SEMA6D: variants seen among roughly 807,000 people sequenced by gnomAD.
The protein encoded by SEMA6D is semaphorin 6D, also known as semaphorin-6D.
Under a neutral mutation model 106.6 loss-of-function variants are expected in SEMA6D, and 35 were observed. The observed-to-expected ratio is 0.33, with a 90% CI of 0.25 to 0.44. The LOEUF (loss-of-function observed/expected upper bound fraction) is 0.44. Ranked by LOEUF, SEMA6D falls within the 20% of genes least tolerant of loss-of-function variation. The pLI, the probability that SEMA6D is intolerant of heterozygous loss-of-function variation, is 1.00. For missense variants in SEMA6D, 1,185 were observed against 1,345.9 expected, an observed-to-expected ratio of 0.88 and a Z score of 1.87; for synonymous variants, 499 against 487.7, an observed-to-expected ratio of 1.02 and a Z score of -0.31.
intron 4 of SEMA6D, among the ~76,000 whole-genome samples, chr15:47,682,800 G>T (rs917781896): frequency 6.6e-6 from 1 of 152,116 alleles, no homozygotes; most frequent in Non-Finnish European, 1.5e-5. Context: ...GAGTTCATTT[G>T]CCCGCAGTAC....
chr15:47,771,581 G>T lies in SEMA6D; in HGVS notation c.3018G>T (p.Gly1006=), dbSNP rs376905773. The change falls in exon 19 of 19, where the codon GGG becomes GGT. Residue 1006 remains glycine, a synonymous_variant. Coordinates refer to ENST00000536845, the MANE Select transcript of SEMA6D (RefSeq NM_001358351.3). ...NRGGYMPTPT[G]AKVDYIQGTP... ...GAGGATATATGCCCACCCCCACTGG[G>T]GCGAAGGTGGACTATATTCAGGGAA... 1 of 1,613,978 alleles carries T rather than the reference G, an allele frequency of 6.2e-7. No homozygotes were observed. Among genetic ancestry groups the T allele is most frequent in the Non-Finnish European group, 8.5e-7 (1 of 1,179,986 alleles).
At chr15:47,570,286 T>A (rs2046347735) in intron 3 of SEMA6D, among the ~76,000 whole-genome samples, 1 of 152,130 alleles carries the variant, frequency 6.6e-6, no homozygotes, top group African/African-American at 2.4e-5. Context: ...TAAAGGCTGG[T>A]TCCAGGCTGG....
chr15:47,222,418 A>G (rs898184359), intron 1 of SEMA6D, among the ~76,000 whole-genome samples: 10 of 152,132 alleles, frequency 6.6e-5, no homozygotes, highest in African/African-American at 2.2e-4. Flanking sequence ...TCTTAGGTTC[A>G]CTACTCTTGC....
chr15:47,417,896 G>A (rs181807639), intron 2 of SEMA6D, among the ~76,000 whole-genome samples: 159 of 151,292 alleles, frequency 1.1e-3, no homozygotes, highest in Non-Finnish European at 1.8e-3. Flanking sequence ...ACAGTGTTTT[G>A]TGTATTGGGG....
At position 47,770,992 on chromosome 15, in the gene SEMA6D, C is replaced by T. The variant is rs1221060224; in HGVS notation, c.2429C>T (p.Pro810Leu). Residue 810 changes from proline to leucine, a missense_variant, in exon 19 of 19, where the codon CCG becomes CTG. By Grantham distance (98) the Pro-to-Leu change is moderately conservative (BLOSUM62 -3). This residue lies in a region of SEMA6D where 750 missense variants were observed against 783.5 expected (regional missense o/e 0.96). Transcript: ENST00000536845. ...AGGAAAGAAACCCCTCAGTTTTTTC[C>T]GTCTAGTCCGCCACCTCATTCCCCA... ...ASRKETPQFF[P>L]SSPPPHSPLS... The T allele has an allele frequency of 6.2e-6, 10 of 1,614,050 alleles. No homozygotes were observed. The highest frequency in any genetic ancestry group is 1.3e-5 in the African/African-American group (1 of 75,034).
chr15:47,364,713 A>G (rs764165002), intron 1 of SEMA6D, among the ~76,000 whole-genome samples: 17 of 151,710 alleles, frequency 1.1e-4, no homozygotes, highest in Non-Finnish European at 1.9e-4. Context: ...TTCTCATCTT[A>G]AGCCTCACAC....
At chr15:47,242,146 A>G (rs1478879159) in intron 1 of SEMA6D, among the ~76,000 whole-genome samples, 2 of 152,190 alleles carry the variant, frequency 1.3e-5, no homozygotes, top group Non-Finnish European at 2.9e-5. Flanking sequence ...CAGATAATCT[A>G]TATAATGCCC....
intron 1 of SEMA6D, among the ~76,000 whole-genome samples, chr15:47,358,257 C>T (rs1405592865): frequency 6.6e-6 from 1 of 152,192 alleles, no homozygotes; most frequent in Non-Finnish European, 1.5e-5. Flanking sequence ...TGCTTTCCTG[C>T]AGGGAATGAT....
chr15:47,414,640 A>T (rs888399405), intron 2 of SEMA6D, among the ~76,000 whole-genome samples: 1 of 152,192 alleles, frequency 6.6e-6, no homozygotes, highest in African/African-American at 2.4e-5. Context: ...TGCTAAATTG[A>T]CTTGCATCAT....
intron 1 of SEMA6D, among the ~76,000 whole-genome samples, chr15:47,726,653 G>A (rs1303580813): frequency 6.6e-6 from 1 of 152,184 alleles, no homozygotes; most frequent in East Asian, 1.9e-4. Flanking sequence ...TATAAAAGGT[G>A]GATGATGGTG....
At chr15:47,225,492 T>A (rs2141435892) in intron 1 of SEMA6D, among the ~76,000 whole-genome samples, 1 of 150,544 alleles carries the variant, frequency 6.6e-6, no homozygotes, top group East Asian at 2.0e-4. Context: ...GCCCGTTTTT[T>A]AATCGGGTGT....
At chr15:47,437,011 GAAAA>G (rs2041736320) in intron 2 of SEMA6D, among the ~76,000 whole-genome samples, 1 of 98,206 alleles carries the variant, frequency 1.0e-5, no homozygotes, top group Admixed American at 1.6e-4. Flanking sequence ...GGGAGGGAAA[GAAAA>G]GAAAGAAAGA....
chr15:47,325,590 A>G lies in SEMA6D; in HGVS notation c.-238-86803A>G, dbSNP rs141694728. Among the ~76,000 whole-genome samples, 268 of 152,304 alleles carry G rather than the reference A, an allele frequency of 1.8e-3. 1 individual carries two copies. Among genetic ancestry groups the G allele is most frequent in the African/African-American group, 6.3e-3 (261 of 41,566 alleles). On this transcript the variant is annotated intron_variant, in intron 1 of 19. Coordinates refer to the SEMA6D transcript ENST00000558014. ...CTTCCAAGGCCTCATCTCTAAAAGT[A>G]AAAACAACCTTAAACCCTCTTTCCC...
chr15:47,506,418 C>T (rs2044038306), intron 3 of SEMA6D, among the ~76,000 whole-genome samples: 1 of 152,082 alleles, frequency 6.6e-6, no homozygotes, highest in Non-Finnish European at 1.5e-5. Context: ...TAATTAGGAA[C>T]AGAGGACATG....
intron 1 of SEMA6D, among the ~76,000 whole-genome samples, chr15:47,343,505 T>A (rs1251008894): frequency 6.6e-6 from 1 of 150,886 alleles, no homozygotes; most frequent in Non-Finnish European, 1.5e-5. Flanking sequence ...GAACATGCAG[T>A]GTTTGGTTTT....
chr15:47,570,220 GC>G (rs2142885596), intron 3 of SEMA6D, among the ~76,000 whole-genome samples: 1 of 152,230 alleles, frequency 6.6e-6, no homozygotes, highest in East Asian at 1.9e-4. Context: ...TGCTCTGACT[GC>G]CCCAGCAATC....
At chr15:47,736,738 T>C (rs2146887642) in intron 1 of SEMA6D, among the ~76,000 whole-genome samples, 1 of 152,342 alleles carries the variant, frequency 6.6e-6, no homozygotes, top group African/African-American at 2.4e-5. Flanking sequence ...AGGAAGATCT[T>C]AAATACCAGT....
chr15:47,755,854 A>G (rs1453088666), intron 1 of SEMA6D, among the ~76,000 whole-genome samples: 1 of 148,594 alleles, frequency 6.7e-6, no homozygotes, highest in East Asian at 1.9e-4. Flanking sequence ...ATATAAATAT[A>G]ACAATATATT....
At chr15:47,273,814 A>G (rs957195788) in intron 1 of SEMA6D, among the ~76,000 whole-genome samples, 2 of 152,226 alleles carry the variant, frequency 1.3e-5, no homozygotes, top group Non-Finnish European at 2.9e-5. Flanking sequence ...GCAGTATTTC[A>G]TTAAATCTTC....
Sources: allele counts gnomAD v4.1 joint callset (sites outside exome capture counted in the v4.1 genomes callset), GRCh38; gene constraint gnomAD v4.1.1; regional missense constraint gnomAD v4.1.1; transcripts MANE v1.5; gene names NCBI Gene and HGNC (gene_info 2026-07-23, HGNC 2026-07-21).